Variants in BCLAF1 observed in about 807,000 individuals in gnomAD.
BCLAF1 encodes BCL2 associated transcription factor 1, also known as bcl-2-associated transcription factor 1.
Under a neutral mutation model 99.5 loss-of-function variants are expected in BCLAF1, and 10 were observed. That is an observed-to-expected ratio of 0.10 (90% CI 0.06 to 0.17). The LOEUF (loss-of-function observed/expected upper bound fraction) is 0.17. Ranked by LOEUF, BCLAF1 falls within the 10% of genes least tolerant of loss-of-function variation. The probability of loss-of-function intolerance (pLI) is 1.00; values close to 1 mark genes in which losing one functional copy is unlikely to be tolerated. For missense variants in BCLAF1, 636 were observed against 1,105.8 expected, an observed-to-expected ratio of 0.58 and a Z score of 6.02; for synonymous variants, 255 against 370.9, an observed-to-expected ratio of 0.69 and a Z score of 3.59.
At position 136,259,069 on chromosome 6, in the gene BCLAF1, G is replaced by A. The variant is rs1227630820; in HGVS notation, c.*2041C>T. On this transcript the variant is annotated 3_prime_UTR_variant, in exon 13 of 13. Coordinates refer to ENST00000531224, the MANE Select transcript of BCLAF1 (RefSeq NM_014739.3). The stretch of plus-strand genomic sequence containing the variant: ...AGATGTGTTTTTAAAAAATATACAG[G>A]CTTTTTATATGCTTGGATCTGAAAA... 6.6e-5 allele frequency: 10 copies of A among 152,108 alleles called. No individual in the cohort carries two copies. In the East Asian group the frequency reaches 1.9e-3, roughly 29 times the overall value. The allele number at this position is 152,108 out of a possible 1,614,324, so 9.4% of individuals were successfully genotyped here. A position where few individuals can be genotyped will look rare whatever the true frequency, so the allele number is the denominator to read the frequency against.
intron 6 of BCLAF1, among the ~76,000 whole-genome samples, chr6:136,275,057 CA>C (rs966526697): frequency 2.6e-5 from 4 of 151,584 alleles, no homozygotes; most frequent in Non-Finnish European, 5.9e-5. Flanking sequence ...AAATTAAGCG[CA>C]AAAAAAGTGT....
At chr6:136,266,378 C>CTA (rs1781717102) in intron 11 of BCLAF1, among the ~76,000 whole-genome samples, 1 of 152,062 alleles carries the variant, frequency 6.6e-6, no homozygotes, top group South Asian at 2.1e-4. Flanking sequence ...TTGTCCACCT[C>CTA]TATAATGCAG....
chr6:136,261,791 T>C (rs967783632), intron 11 of BCLAF1, among the ~76,000 whole-genome samples: 4 of 152,106 alleles, frequency 2.6e-5, no homozygotes, highest in African/African-American at 9.7e-5. Context: ...ATTATGTCAA[T>C]CCAAGTCCAC....
intron 1 of BCLAF1, among the ~76,000 whole-genome samples, chr6:136,283,192 A>G (rs1027096831): frequency 2.6e-5 from 4 of 151,256 alleles, no homozygotes; most frequent in Admixed American, 6.6e-5. Flanking sequence ...AAAAAAAAAA[A>G]AAAAAAAAAA....
chr6:136,264,854 T>C (rs1339717320), intron 11 of BCLAF1, among the ~76,000 whole-genome samples: 1 of 152,172 alleles, frequency 6.6e-6, no homozygotes, highest in African/African-American at 2.4e-5. Context: ...GAGACCAAGA[T>C]TTTTAAATAT....
chr6:136,271,331 T>A (rs1431001997), intron 8 of BCLAF1, among the ~76,000 whole-genome samples: 1 of 151,878 alleles, frequency 6.6e-6, no homozygotes, highest in African/African-American at 2.4e-5. Context: ...AGACATTTTA[T>A]GGCCTGATAT....
intron 2 of BCLAF1, among the ~76,000 whole-genome samples, chr6:136,280,501 G>A (rs1002045629): frequency 6.6e-6 from 1 of 152,058 alleles, no homozygotes; most frequent in Non-Finnish European, 1.5e-5. Flanking sequence ...GGACTTATGT[G>A]ACAATGCCTA....
In BCLAF1 at chr6:136,276,082, T is replaced by G. The variant is rs558705184; in HGVS notation, c.1443A>C (p.Glu481Asp). 5.2e-5 allele frequency: 84 copies of G among 1,608,240 alleles called. No homozygotes were observed. In the South Asian group the frequency reaches 7.5e-4, roughly 14 times the overall value. Residue 481 changes from glutamate (E) to aspartate (D), a missense_variant, in exon 5 of 13, where the codon GAA becomes GAC. Transcript: ENST00000531224. Reference sequence around the variant, plus strand: ...CTGTTATTCTTTCAGAATTTTTGTCTTCTTCTTTGTGCTTATCTTTTGTAG... The same window carrying G: ...CTGTTATTCTTTCAGAATTTTTGTCGTCTTCTTTGTGCTTATCTTTTGTAG... Reference protein sequence around the residue: ...PSTTKDKHKEEDKNSERITVK... With the variant: ...PSTTKDKHKEDDKNSERITVK...
intron 2 of BCLAF1, among the ~76,000 whole-genome samples, chr6:136,280,424 G>C (rs1784221613): frequency 6.6e-6 from 1 of 152,150 alleles, no homozygotes; most frequent in East Asian, 1.9e-4. Flanking sequence ...AACAATACAG[G>C]ACACTAAGTT....
chr6:136,269,107 T>C, intron 9 of BCLAF1: 1 of 1,161,870 alleles, frequency 8.6e-7, no homozygotes, highest in Non-Finnish European at 1.1e-6. Flanking sequence ...GTTGAAAAAG[T>C]GCGGAATCAA....
intron 6 of BCLAF1, 102 bp downstream of exon 6, chr6:136,275,430 T>C: frequency 8.6e-7 from 1 of 1,164,210 alleles, no homozygotes; most frequent in Non-Finnish European, 1.2e-6. Flanking sequence ...TGGATGTATA[T>C]TTGCTAGCCC....
In BCLAF1 at chr6:136,268,104, T is replaced by C. The variant is rs1781973170; in HGVS notation, c.2397+58A>G. ...TAAATCATGTATATGACCTTCCTTA[T>C]GTACAGTACTCTAAGATAAACTCCT... On this transcript the variant is annotated intron_variant, in intron 10 of 12. Transcript: ENST00000531224. The C allele has an allele frequency of 8.5e-6, 12 of 1,418,324 alleles. No homozygotes were observed. In the South Asian group the frequency reaches 1.2e-4, roughly 15 times the overall value. 87.9% of individuals were successfully genotyped at this position (1,418,324 alleles called of 1,614,324 possible). A position where few individuals can be genotyped will look rare whatever the true frequency, so the allele number is the denominator to read the frequency against.
chr6:136,281,357 G>C (rs1484085918), intron 2 of BCLAF1, among the ~76,000 whole-genome samples: 2 of 152,160 alleles, frequency 1.3e-5, no homozygotes, highest in African/African-American at 2.4e-5. Context: ...ATTTGGTTTA[G>C]CAACTGTAGT....
At chr6:136,274,004 C>CTT in intron 6 of BCLAF1, 11 of 1,253,210 alleles carry the variant, frequency 8.8e-6, no homozygotes, top group Non-Finnish European at 1.1e-5. Context: ...ATCATTAAAA[C>CTT]TTGAAACGGC....
At chr6:136,263,592 T>C (rs1781312776) in intron 11 of BCLAF1, among the ~76,000 whole-genome samples, 2 of 152,178 alleles carry the variant, frequency 1.3e-5, no homozygotes, top group Non-Finnish European at 2.9e-5. Context: ...GCTAAGAACA[T>C]GTTAACAAAG....
rs960518940 is a variant in BCLAF1, at chr6:136,258,020, G to C, written c.*3090C>G. 7 of 152,038 alleles carry C rather than the reference G, an allele frequency of 4.6e-5. No individual in the cohort carries two copies. The highest frequency in any genetic ancestry group is 1.2e-4 in the African/African-American group (5 of 41,424). The allele number at this position is 152,038 out of a possible 1,614,324, so 9.4% of individuals were successfully genotyped here. On this transcript the variant is annotated 3_prime_UTR_variant, in exon 13 of 13. Transcript: ENST00000531224. ...TTACATGCATATGTATGTACACACA[G>C]AGTTATTTCTCTCACAGAATTTTTA...
At chr6:136,279,070 T>C (rs549841234) in intron 3 of BCLAF1, among the ~76,000 whole-genome samples, 15 of 150,978 alleles carry the variant, frequency 9.9e-5, no homozygotes, top group Admixed American at 4.0e-4. Context: ...TATTAGCAAA[T>C]TGTAGTACCT....
chr6:136,269,060 A>T, intron 9 of BCLAF1: 1 of 1,027,396 alleles, frequency 9.7e-7, no homozygotes, highest in Non-Finnish European at 1.2e-6. Context: ...AAACCACTAG[A>T]TATCAGTTTA....
At chr6:136,265,848 T>G (rs1404728388) in intron 11 of BCLAF1, among the ~76,000 whole-genome samples, 1 of 152,162 alleles carries the variant, frequency 6.6e-6, no homozygotes, top group African/African-American at 2.4e-5. Flanking sequence ...AGTCAAAAAT[T>G]AGAATCACAT....
Sources: allele counts gnomAD v4.1 joint callset (sites outside exome capture counted in the v4.1 genomes callset), GRCh38; gene constraint gnomAD v4.1.1; transcripts MANE v1.5; gene names NCBI Gene and HGNC (gene_info 2026-07-23, HGNC 2026-07-21).